The following CEP57L1 variants were observed in gnomAD, a reference collection of about 807,000 sequenced individuals.
The protein encoded by CEP57L1 is centrosomal protein CEP57L1.
CEP57L1 carries 37 observed loss-of-function variants against 61.0 expected under a neutral mutation model. The observed-to-expected ratio is 0.61, with a 90% confidence interval of 0.47 to 0.80. The LOEUF (loss-of-function observed/expected upper bound fraction) is 0.80, where lower values mean the gene tolerates loss of function less well. Among genes scored for constraint, CEP57L1 ranks in the 30% least tolerant of loss-of-function variants. The probability of loss-of-function intolerance (pLI) is 0.00; values close to 1 mark genes in which losing one functional copy is unlikely to be tolerated. For missense variants in CEP57L1, 422 were observed against 524.7 expected, an observed-to-expected ratio of 0.80 and a Z score of 1.91; for synonymous variants, 137 against 162.3, an observed-to-expected ratio of 0.84 and a Z score of 1.19.
intron 1 of CEP57L1, among the ~76,000 whole-genome samples, chr6:109,101,403 C>A (rs1433504047): frequency 2.6e-5 from 4 of 152,064 alleles, no homozygotes; most frequent in Non-Finnish European, 4.4e-5. Context: ...AAAAATAATC[C>A]ATTGTATGGA....
At chr6:109,115,728 G>C (rs1367981661) in intron 1 of CEP57L1, among the ~76,000 whole-genome samples, 1 of 152,084 alleles carries the variant, frequency 6.6e-6, no homozygotes, top group Non-Finnish European at 1.5e-5. Context: ...TTCTGGCTTT[G>C]CTATTCATTT....
intron 1 of CEP57L1, among the ~76,000 whole-genome samples, chr6:109,098,138 TTCTC>T (rs544211200): frequency 6.6e-5 from 10 of 150,452 alleles, no homozygotes; most frequent in Non-Finnish European, 1.3e-4. Context: ...CTCTCTCTCT[TTCTC>T]TCTCTCTCTC....
chr6:109,153,820 T>G lies in CEP57L1; in HGVS notation c.463-13T>G, dbSNP rs768109416. ...CAAATTCAGGGTTGCTATTTTATTT[T>G]TATCCTTTCTAGGCCCAGCTTCAGA... On this transcript the variant is annotated splice_polypyrimidine_tract_variant and intron_variant, in intron 4 of 10. Transcript: ENST00000517392. The G allele has an allele frequency of 4.5e-6, 7 of 1,558,520 alleles. No homozygotes were observed. The highest frequency in any genetic ancestry group is 2.0e-4 in the Middle Eastern group (1 of 4,924).
intron 9 of CEP57L1, among the ~76,000 whole-genome samples, chr6:109,160,031 T>C (rs1773580763): frequency 6.6e-6 from 1 of 152,222 alleles, no homozygotes; most frequent in African/African-American, 2.4e-5. Context: ...GTAAAGAAGA[T>C]TTCCATATGG....
At chr6:109,155,090 G>C in intron 5 of CEP57L1, 140 bp from the exon 6 acceptor site, 1 of 434,090 alleles carries the variant, frequency 2.3e-6, no homozygotes, top group Non-Finnish European at 4.2e-6. Flanking sequence ...AACATCTTGT[G>C]CCATTCCTTT....
intron 1 of CEP57L1, among the ~76,000 whole-genome samples, chr6:109,102,778 A>G (rs887690664): frequency 1.3e-5 from 2 of 152,176 alleles, no homozygotes; most frequent in African/African-American, 2.4e-5. Context: ...TTTAAAGACC[A>G]TTATACTGAA....
At chr6:109,125,705 CTGATTGATTGAT>C (rs138233619) in intron 1 of CEP57L1, among the ~76,000 whole-genome samples, 1 of 150,634 alleles carries the variant, frequency 6.6e-6, no homozygotes, top group Non-Finnish European at 1.5e-5. Flanking sequence ...CCTGTCTTGA[CTGATTGATTGAT>C]TGATTGATTG....
chr6:109,151,158 G>A (rs1772573068), intron 4 of CEP57L1, among the ~76,000 whole-genome samples: 1 of 152,146 alleles, frequency 6.6e-6, no homozygotes, highest in African/African-American at 2.4e-5. Context: ...TAATATCCTT[G>A]CATTTTCTTG....
At chr6:109,108,284 A>C (rs572754981) in intron 1 of CEP57L1, among the ~76,000 whole-genome samples, 3 of 149,608 alleles carry the variant, frequency 2.0e-5, no homozygotes, top group African/African-American at 7.4e-5. Context: ...CTCGTCACCC[A>C]GGGTGGAGTG....
In CEP57L1 at chr6:109,153,941, ACTG is replaced by A. The variant is rs1562135876; in HGVS notation, c.575_577del (p.Ala192del). On this transcript the variant is annotated inframe_deletion, in exon 5 of 11. Transcript: ENST00000517392. The stretch of plus-strand genomic sequence containing the variant: ...TTTCAGACTTACAACAACTCAGAAA[ACTG>A]CTGAGGTAAGCTTTCTTTGAAGTGA... 3 of 1,565,300 alleles carry A rather than the reference ACTG, an allele frequency of 1.9e-6. No homozygotes were observed. The African/African-American group carries it at 4.1e-5, about 21-fold the overall frequency.
In CEP57L1 at chr6:109,145,199, C is replaced by T. The variant is rs373036721; in HGVS notation, c.-3-20C>T. On this transcript the variant is annotated intron_variant, in intron 1 of 10. Transcript: ENST00000517392. ...AAAATAGGAAAGCATGATACTATAT[C>T]ATTCCTTTATTCTCTACAGATAATG... 7.0e-6 allele frequency: 8 copies of T among 1,147,428 alleles called. No individual in the cohort carries two copies. Among genetic ancestry groups the T allele is most frequent in the Non-Finnish European group, 9.7e-6 (8 of 826,682 alleles). 71.1% of individuals were successfully genotyped at this position (1,147,428 alleles called of 1,614,324 possible).
intron 1 of CEP57L1, among the ~76,000 whole-genome samples, chr6:109,111,766 G>A (rs556526871): frequency 6.3e-4 from 96 of 152,146 alleles, no homozygotes; most frequent in African/African-American, 2.0e-3. Flanking sequence ...CCTTTCCTGC[G>A]TCTATTGAGA....
chr6:109,160,782 T>G, intron 10 of CEP57L1, 66 bp downstream of exon 10: 4 of 1,481,618 alleles, frequency 2.7e-6, no homozygotes, highest in African/African-American at 1.4e-5. Context: ...GTTGTATCTC[T>G]GTATGACTTT....
At chr6:109,150,074 A>G in intron 3 of CEP57L1, 44 bp from the exon 4 acceptor site, 1 of 1,263,586 alleles carries the variant, frequency 7.9e-7, no homozygotes, top group Non-Finnish European at 1.1e-6. Flanking sequence ...AACAGGGACA[A>G]TTTGACTTCC....
At chr6:109,155,738 G>A (rs1210273853) in intron 6 of CEP57L1, 53 bp from the exon 7 acceptor site, 2 of 873,266 alleles carry the variant, frequency 2.3e-6, no homozygotes, top group African/African-American at 3.5e-5. Context: ...TCTCATTACA[G>A]TGTTTTTGCA....
chr6:109,120,496 T>C (rs1413377366), intron 1 of CEP57L1, among the ~76,000 whole-genome samples: 3 of 152,142 alleles, frequency 2.0e-5, no homozygotes, highest in East Asian at 1.9e-4. Context: ...GGGAAGGTAG[T>C]GGGTGTAGTT....
chr6:109,100,548 G>A (rs1024385898), intron 1 of CEP57L1, among the ~76,000 whole-genome samples: 9 of 151,438 alleles, frequency 5.9e-5, no homozygotes, highest in African/African-American at 1.5e-4. Context: ...GGTGGTGGGC[G>A]CCTGTAATTC....
intron 1 of CEP57L1, among the ~76,000 whole-genome samples, chr6:109,136,868 G>T (rs1411703556): frequency 6.6e-6 from 1 of 152,050 alleles, no homozygotes; most frequent in Non-Finnish European, 1.5e-5. Flanking sequence ...TGATTCTCCT[G>T]CCTCAGCTTC....
At position 109,171,142 on chromosome 6, in the gene CEP57L1, C is replaced by T. The variant is rs943341907; in HGVS notation, c.*8172C>T. The stretch of plus-strand genomic sequence containing the variant: ...TTCTTTTACAGAATGGCTCTCAAGT[C>T]GAAAGAGGGCTGTGCCTTTGGTGTT... On this transcript the variant is annotated 3_prime_UTR_variant, in exon 11 of 11. Coordinates refer to ENST00000517392, the MANE Select transcript of CEP57L1 (RefSeq NM_001271852.3). 6.6e-6 allele frequency among the ~76,000 whole-genome samples: 1 copy of T among 151,942 alleles called. No homozygotes were observed. Among genetic ancestry groups the T allele is most frequent in the East Asian group, 1.9e-4 (1 of 5,180 alleles).
Sources: allele counts gnomAD v4.1 joint callset (sites outside exome capture counted in the v4.1 genomes callset), GRCh38; gene constraint gnomAD v4.1.1; transcripts MANE v1.5; gene names NCBI Gene and HGNC (gene_info 2026-07-23, HGNC 2026-07-21).